Variants in HDAC4 observed in about 807,000 individuals in gnomAD.
HDAC4 encodes the protein histone deacetylase A.
Under a neutral mutation model 135.1 loss-of-function variants are expected in HDAC4, and 16 were observed. The observed-to-expected ratio is 0.12, with a 90% CI of 0.08 to 0.18. The LOEUF is 0.18. Among genes scored for constraint, HDAC4 ranks in the 10% least tolerant of loss-of-function variants. The pLI is 1.00. For missense variants in HDAC4, 1,143 were observed against 1,511.8 expected (o/e 0.76, Z 4.05); for synonymous variants, 685 against 653.4 (o/e 1.05, Z -0.74).
chr2:239,296,327 C>T (rs530277161), intron 2 of HDAC4, among the ~76,000 whole-genome samples: 55 of 152,248 alleles, frequency 3.6e-4, no homozygotes, highest in Non-Finnish European at 6.9e-4. Context: ...GGCCAATACC[C>T]GCCTGGACCA....
chr2:239,278,614 G>A (rs1355468657), intron 2 of HDAC4, among the ~76,000 whole-genome samples: 6 of 152,232 alleles, frequency 3.9e-5, no homozygotes, highest in African/African-American at 1.4e-4. Flanking sequence ...AGAGGCTGCA[G>A]TGAGGCGAGA....
chr2:239,163,569 A>G (rs2042949508), intron 6 of HDAC4, among the ~76,000 whole-genome samples: 1 of 151,434 alleles, frequency 6.6e-6, no homozygotes, highest in Non-Finnish European at 1.5e-5. Context: ...GTGTGAGTGT[A>G]CCCCCAGACC....
intron 11 of HDAC4, among the ~76,000 whole-genome samples, chr2:239,131,905 G>T (rs1488220441): frequency 1.3e-5 from 2 of 152,232 alleles, no homozygotes; most frequent in African/African-American, 4.8e-5. Flanking sequence ...CAGCGTGGGG[G>T]CCTCCAGGCC....
intron 1 of HDAC4, among the ~76,000 whole-genome samples, chr2:239,395,417 G>A (rs759318910): frequency 2.0e-5 from 3 of 152,218 alleles, no homozygotes; most frequent in Admixed American, 1.3e-4. Context: ...ACCTTGAAGA[G>A]CTTACATGTG....
At chr2:239,130,028 C>G (rs1005079493) in intron 11 of HDAC4, among the ~76,000 whole-genome samples, 4 of 152,196 alleles carry the variant, frequency 2.6e-5, no homozygotes, top group Non-Finnish European at 5.9e-5. Flanking sequence ...ATGAACAATT[C>G]AGGGTGCCTG....
chr2:239,288,682 C>T (rs2051286252), intron 2 of HDAC4, among the ~76,000 whole-genome samples: 1 of 151,664 alleles, frequency 6.6e-6, no homozygotes, highest in Admixed American at 6.6e-5. Context: ...AACGTATTGT[C>T]TGCAACAGAA....
chr2:239,068,525 G>T lies in HDAC4; in HGVS notation c.2833C>A (p.Pro945Thr). ...SSGFDAVEGHPTPLGGYNLSA... is the reference protein window; with the variant it reads ...SSGFDAVEGHTTPLGGYNLSA... ...AGGTTGTAGCCCCCAAGAGGGGTGG[G>T]GTGGCCCTCCACGGCATCGAAGCCT... The change falls in exon 23 of 27, where the codon CCC (proline) becomes ACC (threonine). Residue 945 changes from proline to threonine, a missense_variant. By Grantham distance (38) the Pro-to-Thr change is conservative. Transcript: ENST00000543185. The surrounding 1 kb of genome is among the most constrained non-coding windows in gnomAD (Gnocchi z 4.4). The T allele has an allele frequency of 6.2e-7, 1 of 1,613,906 alleles. No individual in the cohort carries two copies. Among genetic ancestry groups the T allele is most frequent in the Non-Finnish European group, 8.5e-7 (1 of 1,179,900 alleles).
At chr2:239,271,848 T>C (rs2050077627) in intron 2 of HDAC4, among the ~76,000 whole-genome samples, 1 of 152,166 alleles carries the variant, frequency 6.6e-6, no homozygotes, top group Admixed American at 6.5e-5. Flanking sequence ...TACACAGAGC[T>C]TCGAAATTTC....
intron 21 of HDAC4, 21 bp downstream of exon 21, chr2:239,082,081 G>A (rs371177479): frequency 1.8e-5 from 29 of 1,613,566 alleles, no homozygotes; most frequent in Non-Finnish European, 2.4e-5. Flanking sequence ...CCCCCCAGAG[G>A]CCCTTATATA....
chr2:239,085,235 C>G (rs1051936830), intron 19 of HDAC4, among the ~76,000 whole-genome samples: 2 of 152,176 alleles, frequency 1.3e-5, no homozygotes. Flanking sequence ...TGCTGACCTT[C>G]CTATATTCCA....
intron 9 of HDAC4, among the ~76,000 whole-genome samples, chr2:239,137,561 G>T (rs2041057589): frequency 6.6e-6 from 1 of 152,180 alleles, no homozygotes; most frequent in African/African-American, 2.4e-5. Flanking sequence ...AGGTACAGTA[G>T]TGTTTCTAGG....
chr2:239,382,302 A>G (rs907077489), intron 1 of HDAC4, among the ~76,000 whole-genome samples: 2 of 152,220 alleles, frequency 1.3e-5, no homozygotes, highest in Non-Finnish European at 2.9e-5. Flanking sequence ...GTCTTTTATT[A>G]TCAAAGCAAT....
intron 2 of HDAC4, among the ~76,000 whole-genome samples, chr2:239,329,493 C>T (rs1014031099): frequency 1.3e-5 from 2 of 152,068 alleles, no homozygotes; most frequent in African/African-American, 4.8e-5. Context: ...TTTCTGCACA[C>T]CCCTCCTCCC....
chr2:239,275,773 T>C (rs1321757080), intron 2 of HDAC4, among the ~76,000 whole-genome samples: 1 of 151,856 alleles, frequency 6.6e-6, no homozygotes. Context: ...GAAGGCAAGA[T>C]AGAACGCCAG....
chr2:239,107,930 C>T (rs1480393018), intron 15 of HDAC4, 120 bp downstream of exon 15: 14 of 1,259,328 alleles, frequency 1.1e-5, no homozygotes, highest in East Asian at 4.8e-5. Flanking sequence ...GCCCTTCCCC[C>T]GGGGCTGTAA....
chr2:239,385,960 G>A (rs1695774110), intron 1 of HDAC4, among the ~76,000 whole-genome samples: 2 of 152,220 alleles, frequency 1.3e-5, no homozygotes, highest in South Asian at 2.1e-4. Flanking sequence ...GGAAAGCTCA[G>A]GTGTGCCCTA....
At chr2:239,220,222 G>C (rs928972440) in intron 3 of HDAC4, among the ~76,000 whole-genome samples, 2 of 152,150 alleles carry the variant, frequency 1.3e-5, no homozygotes, top group Admixed American at 1.3e-4. Context: ...TCTCTTAAAC[G>C]CTTCAAATTC....
intron 2 of HDAC4, among the ~76,000 whole-genome samples, chr2:239,344,176 C>T (rs1056723287): frequency 2.0e-5 from 3 of 152,174 alleles, no homozygotes; most frequent in African/African-American, 7.2e-5. Flanking sequence ...CACGTGCGAC[C>T]TGCCCCCACT....
At position 239,139,609 on chromosome 2, in the gene HDAC4, G is replaced by T; in HGVS notation, c.978+75C>A. 2.3e-6 allele frequency: 3 copies of T among 1,312,708 alleles called. No individual in the cohort carries two copies. The highest frequency in any genetic ancestry group is 3.3e-6 in the Non-Finnish European group (3 of 905,498). 81.3% of individuals were successfully genotyped at this position (1,312,708 alleles called of 1,614,324 possible). On this transcript the variant is annotated intron_variant, in intron 9 of 26. Coordinates refer to ENST00000543185, the MANE Select transcript of HDAC4 (RefSeq NM_001378414.1). This position sits in a 1 kb window ranked among gnomAD's most constrained non-coding sequence, Gnocchi z 5.3. ...GTGAAGAGTGAAGGGCAAGTGCAAAGTGGGGTCATTTCAAGCTCATCCGTC... is the reference window on the plus strand; with the variant it reads ...GTGAAGAGTGAAGGGCAAGTGCAAATTGGGGTCATTTCAAGCTCATCCGTC...
Sources: allele counts gnomAD v4.1 joint callset (sites outside exome capture counted in the v4.1 genomes callset), GRCh38; gene constraint gnomAD v4.1.1; non-coding constraint Gnocchi (gnomAD v3.1); transcripts MANE v1.5; gene names NCBI Gene and HGNC (gene_info 2026-07-23, HGNC 2026-07-21).